Variants in FGF13 observed in about 807,000 individuals in gnomAD.
FGF13 encodes fibroblast growth factor 13, also known as fibroblast growth factor homologous factor 2.
In FGF13, 2 loss-of-function variants were observed where a neutral mutation model predicts 19.5. The observed-to-expected ratio is 0.10, with a 90% CI of 0.04 to 0.32. FGF13 has a LOEUF of 0.32. FGF13 is among the 10% of genes least tolerant of loss of function. The probability of loss-of-function intolerance (pLI) is 1.00; values close to 1 mark genes in which losing one functional copy is unlikely to be tolerated. For synonymous variants in FGF13, 72 were observed against 76.9 expected (o/e 0.94, Z 0.33); for missense variants, 113 against 192.7 (o/e 0.59, Z 2.45).
At chrX:139,173,711 A>G (rs139110596) in intron 1 of FGF13, among the ~76,000 whole-genome samples, 2 of 111,098 alleles carry the variant, frequency 1.8e-5, no homozygotes, top group African/African-American at 6.6e-5. Flanking sequence ...CTTCATTCAT[A>G]TCCCTGCAAA....
chrX:138,688,835 C>T (rs5931477), intron 3 of FGF13, among the ~76,000 whole-genome samples: 3,859 of 111,806 alleles, frequency 0.035, 136 homozygotes, highest in African/African-American at 0.12. Flanking sequence ...AAATGAACAA[C>T]AGGAGAATCT....
At chrX:138,857,660 A>T (rs779191066) in exon 3 of FGF13, 10 of 1,197,393 alleles carry the variant, frequency 8.4e-6, no homozygotes, top group Non-Finnish European at 1.1e-5. Flanking sequence ...CCTGTGTGCC[A>T]GGGGGGGCGT....
chrX:138,760,469 C>T (rs1408144219), intron 3 of FGF13, among the ~76,000 whole-genome samples: 1 of 111,841 alleles, frequency 8.9e-6, no homozygotes, highest in Non-Finnish European at 1.9e-5. Context: ...GGTGTTAGCC[C>T]CACTTTACAA....
chrX:138,875,817 G>C (rs1340079771), intron 1 of FGF13, among the ~76,000 whole-genome samples: 1 of 111,410 alleles, frequency 9.0e-6, no homozygotes, highest in African/African-American at 3.3e-5. Flanking sequence ...AGCACTGCCA[G>C]CCAATGGACT....
At chrX:138,887,508 G>T (rs2124189522) in intron 1 of FGF13, among the ~76,000 whole-genome samples, 1 of 111,098 alleles carries the variant, frequency 9.0e-6, no homozygotes, top group African/African-American at 3.3e-5. Context: ...CACTGGACTT[G>T]AAGTCAAAAG....
chrX:138,873,435 A>C (rs1233800993), intron 1 of FGF13, among the ~76,000 whole-genome samples: 1 of 112,163 alleles, frequency 8.9e-6, no homozygotes, highest in Non-Finnish European at 1.9e-5. Context: ...TCTATTTCAA[A>C]GCAGCAATAA....
chrX:138,981,576 G>A (rs752810388), intron 1 of FGF13, among the ~76,000 whole-genome samples: 1 of 110,937 alleles, frequency 9.0e-6, no homozygotes, highest in Admixed American at 9.6e-5. Flanking sequence ...CCCACACAGC[G>A]TTCCAGAAAA....
At chrX:138,781,088 G>C (rs1256000662) in intron 3 of FGF13, among the ~76,000 whole-genome samples, 1 of 111,001 alleles carries the variant, frequency 9.0e-6, no homozygotes, top group Admixed American at 9.6e-5. Flanking sequence ...ACGAAATGAA[G>C]GCAGAAATAA....
intron 3 of FGF13, among the ~76,000 whole-genome samples, chrX:138,826,098 C>A (rs902508334): frequency 2.7e-5 from 3 of 111,929 alleles, no homozygotes; most frequent in African/African-American, 9.7e-5. Flanking sequence ...CATCTATGCT[C>A]TCAGTCACCA....
intron 3 of FGF13, among the ~76,000 whole-genome samples, chrX:138,844,327 T>C (rs964492919): frequency 1.8e-5 from 2 of 112,122 alleles, no homozygotes; most frequent in African/African-American, 6.5e-5. Context: ...AATAAATTGG[T>C]CTTGCCAAAG....
chrX:138,661,353 A>G (rs1412381819), intron 3 of FGF13, among the ~76,000 whole-genome samples: 1 of 112,186 alleles, frequency 8.9e-6, no homozygotes, highest in Non-Finnish European at 1.9e-5. Flanking sequence ...TGTGCCTCTT[A>G]CATAAATCAA....
intron 3 of FGF13, among the ~76,000 whole-genome samples, chrX:138,763,372 G>A (rs929223855): frequency 9.0e-6 from 1 of 111,340 alleles, no homozygotes; most frequent in Non-Finnish European, 1.9e-5. Flanking sequence ...GGGAAATCAT[G>A]TATGTCCTTG....
At chrX:138,658,899 C>G (rs1235028061) in intron 3 of FGF13, among the ~76,000 whole-genome samples, 1 of 112,112 alleles carries the variant, frequency 8.9e-6, no homozygotes, top group Non-Finnish European at 1.9e-5. Flanking sequence ...GTCCTCATCT[C>G]TTGCCTATTC....
intron 3 of FGF13, among the ~76,000 whole-genome samples, chrX:138,650,461 ACCTACAAGAACATACAAGTCGTACATGTT>A (rs1321855646): frequency 1.3e-4 from 15 of 111,979 alleles, no homozygotes; most frequent in East Asian, 8.5e-4. Flanking sequence ...TCATGACAGT[ACCTACAAGAACATACAAGTCGTACATGTT>A]CCTACAAGAA....
chrX:139,146,904 G>A (rs1603220815), intron 1 of FGF13, among the ~76,000 whole-genome samples: 1 of 107,949 alleles, frequency 9.3e-6, no homozygotes, highest in Non-Finnish European at 1.9e-5. Context: ...TCACTCATAG[G>A]TGGGAATTGA....
chrX:139,027,840 C>T (rs1378844934), intron 1 of FGF13, among the ~76,000 whole-genome samples: 2 of 111,875 alleles, frequency 1.8e-5, no homozygotes, highest in African/African-American at 6.5e-5. Flanking sequence ...AGAAGGAATT[C>T]TGGGACGAAG....
chrX:139,076,880 G>T (rs1369106811), intron 1 of FGF13, among the ~76,000 whole-genome samples: 1 of 112,297 alleles, frequency 8.9e-6, no homozygotes, highest in African/African-American at 3.2e-5. Context: ...TCTGAGGTTT[G>T]CCCAGAAGTA....
intron 3 of FGF13, among the ~76,000 whole-genome samples, chrX:138,646,172 G>A (rs1213944651): frequency 8.9e-6 from 1 of 112,335 alleles, no homozygotes; most frequent in Non-Finnish European, 1.9e-5. Context: ...GTAAGGGACA[G>A]TTTAACAAAA....
intron 1 of FGF13, among the ~76,000 whole-genome samples, chrX:138,904,626 T>G (rs1236838375): frequency 2.7e-5 from 3 of 111,392 alleles, no homozygotes; most frequent in Admixed American, 9.6e-5. Flanking sequence ...GGGTGCACAT[T>G]TAAATCCTCC....
Sources: gnomAD v4.1 joint callset for allele counts (sites outside exome capture counted in the v4.1 genomes callset) on GRCh38, gnomAD v4.1.1 for gene constraint, MANE v1.5 for transcripts, NCBI Gene and HGNC (gene_info 2026-07-23, HGNC 2026-07-21) for gene names.